The following NCOA2 variants were observed in gnomAD, a reference collection of about 807,000 sequenced individuals.
The protein encoded by NCOA2 is class E basic helix-loop-helix protein 75.
NCOA2 carries 21 observed loss-of-function variants against 145.1 expected under a neutral mutation model. That is an observed-to-expected ratio of 0.14 (90% CI 0.10 to 0.21). The LOEUF (loss-of-function observed/expected upper bound fraction) is 0.21, where lower values mean the gene tolerates loss of function less well. Among genes scored for constraint, NCOA2 ranks in the 10% least tolerant of loss-of-function variants. The pLI is 1.00. For synonymous variants in NCOA2, 619 were observed against 637.5 expected (o/e 0.97, Z 0.44); for missense variants, 1,472 against 1,837.6 (o/e 0.80, Z 3.64).
intron 1 of NCOA2, among the ~76,000 whole-genome samples, chr8:70,371,544 C>T (rs937218985): frequency 3.9e-5 from 6 of 152,096 alleles, no homozygotes; most frequent in African/African-American, 1.4e-4. Flanking sequence ...CAAGCAATTT[C>T]ACTTACAAAG....
chr8:70,370,547 T>A (rs575344409), intron 1 of NCOA2, among the ~76,000 whole-genome samples: 2 of 152,310 alleles, frequency 1.3e-5, no homozygotes, highest in Admixed American at 1.3e-4. Context: ...TAACTATGAC[T>A]GTGTCTCAGC....
At chr8:70,174,967 T>C in intron 4 of NCOA2, 108 bp from the exon 5 acceptor site, 2 of 982,898 alleles carry the variant, frequency 2.0e-6, no homozygotes, top group Non-Finnish European at 3.2e-6. Flanking sequence ...TGGGATCAGA[T>C]GCAGCTACAA....
At chr8:70,185,374 T>A (rs914834887) in intron 4 of NCOA2, among the ~76,000 whole-genome samples, 1 of 152,180 alleles carries the variant, frequency 6.6e-6, no homozygotes, top group Admixed American at 6.5e-5. Flanking sequence ...TTATGCTAAA[T>A]CATATCATTG....
chr8:70,334,341 C>T (rs894221388), intron 1 of NCOA2, among the ~76,000 whole-genome samples: 6 of 152,188 alleles, frequency 3.9e-5, no homozygotes, highest in Non-Finnish European at 8.8e-5. Flanking sequence ...TGTCTTCCCA[C>T]ACTTTAAGCC....
chr8:70,261,935 G>A (rs1824171097), intron 2 of NCOA2, among the ~76,000 whole-genome samples: 1 of 152,056 alleles, frequency 6.6e-6, no homozygotes, highest in African/African-American at 2.4e-5. Flanking sequence ...AGTGGATACA[G>A]CAAACAGCGA....
intron 2 of NCOA2, among the ~76,000 whole-genome samples, chr8:70,223,833 G>A (rs1306851256): frequency 1.3e-5 from 2 of 152,150 alleles, no homozygotes; most frequent in Non-Finnish European, 2.9e-5. Flanking sequence ...TGTAATGTGG[G>A]CATTAAAGGG....
At chr8:70,445,216 C>T in the NCOA2 span, among the ~76,000 whole-genome samples, 1 of 152,114 alleles carries the variant, frequency 6.6e-6, no homozygotes, top group African/African-American at 2.4e-5. Context: ...TCAAAACCTG[C>T]CTTATTTTTA....
chr8:70,430,472 T>C, the NCOA2 span, among the ~76,000 whole-genome samples: 21 of 152,302 alleles, frequency 1.4e-4, no homozygotes, highest in South Asian at 4.1e-3. Context: ...GACATATGTA[T>C]ATATCCTTGA....
At chr8:70,177,832 C>G (rs564399096) in intron 4 of NCOA2, among the ~76,000 whole-genome samples, 1 of 152,276 alleles carries the variant, frequency 6.6e-6, no homozygotes, top group East Asian at 1.9e-4. Context: ...TCGCTGATCA[C>G]TAGAAAACAT....
rs978416691 is a variant in NCOA2 at position 70,113,627 on chromosome 8, C to T, written c.*5G>A. The T allele has an allele frequency of 9.0e-6, 14 of 1,551,852 alleles. No individual in the cohort carries two copies. Among genetic ancestry groups the T allele is most frequent in the Non-Finnish European group, 1.2e-5 (14 of 1,147,124 alleles). On this transcript the variant is annotated 3_prime_UTR_variant, in exon 23 of 23. Transcript: ENST00000452400. ...CAGCTGAAGAAGCAACTGGCTTCAG[C>T]AGTGTCAGCAATATTTCTGTAGGAA...
At position 70,201,178 on chromosome 8, in the gene NCOA2, C is replaced by G. The variant is rs182694960; in HGVS notation, c.259+12725G>C. ...AAAAGGTCAAATTAAAATCAATTCT[C>G]AGGTTAAAGGATAATTGGTATTTAG... is the stretch of plus-strand genomic sequence containing the variant. On this transcript the variant is annotated intron_variant, in intron 4 of 22. Coordinates refer to ENST00000452400, the MANE Select transcript of NCOA2 (RefSeq NM_006540.4). Among the ~76,000 whole-genome samples, 271 of 151,740 alleles carry G rather than the reference C, an allele frequency of 1.8e-3. 1 individual carries two copies. Among genetic ancestry groups the G allele is most frequent in the African/African-American group, 6.4e-3 (263 of 41,328 alleles).
At chr8:70,334,751 C>A (rs1807416323) in intron 1 of NCOA2, among the ~76,000 whole-genome samples, 1 of 152,100 alleles carries the variant, frequency 6.6e-6, no homozygotes, top group Non-Finnish European at 1.5e-5. Context: ...AATGACCAAA[C>A]TTCAATTATC....
At chr8:70,406,318 A>T (rs766657466), upstream of NCOA2, among the ~76,000 whole-genome samples, 1 of 152,224 alleles carries the variant, frequency 6.6e-6, no homozygotes. Flanking sequence ...TTTGATTCCC[A>T]TGAGACCTCA....
chr8:70,369,428 C>T (rs1811013338), intron 1 of NCOA2, among the ~76,000 whole-genome samples: 2 of 152,130 alleles, frequency 1.3e-5, no homozygotes, highest in East Asian at 1.9e-4. Flanking sequence ...TATAAAAACT[C>T]ACTTATAATG....
intron 2 of NCOA2, among the ~76,000 whole-genome samples, chr8:70,283,824 G>A (rs866728966): frequency 2.6e-5 from 4 of 152,050 alleles, no homozygotes; most frequent in African/African-American, 4.8e-5. Context: ...AATCCTGTAC[G>A]TTCCAGTGAG....
chr8:70,253,633 C>G (rs746620050), intron 2 of NCOA2, among the ~76,000 whole-genome samples: 1 of 151,964 alleles, frequency 6.6e-6, no homozygotes, highest in African/African-American at 2.4e-5. Context: ...GACAAGGGCA[C>G]CAAGACCATT....
chr8:70,356,241 G>C (rs549217856), intron 1 of NCOA2, among the ~76,000 whole-genome samples: 1 of 152,304 alleles, frequency 6.6e-6, no homozygotes, highest in South Asian at 2.1e-4. Context: ...CATATGGCCT[G>C]AGTCCAGGAG....
chr8:70,373,943 G>C (rs1182452279), intron 1 of NCOA2, among the ~76,000 whole-genome samples: 1 of 152,108 alleles, frequency 6.6e-6, no homozygotes, highest in African/African-American at 2.4e-5. Flanking sequence ...GAGTGTAAAA[G>C]TTCCAACCTT....
At chr8:70,146,268 T>C (rs1811053657) in intron 12 of NCOA2, among the ~76,000 whole-genome samples, 1 of 152,210 alleles carries the variant, frequency 6.6e-6, no homozygotes, top group African/African-American at 2.4e-5. Flanking sequence ...TAGACATATT[T>C]GGATTTGATA....
Sources: gnomAD v4.1 joint callset for allele counts (sites outside exome capture counted in the v4.1 genomes callset) on GRCh38, gnomAD v4.1.1 for gene constraint, MANE v1.5 for transcripts, NCBI Gene and HGNC (gene_info 2026-07-23, HGNC 2026-07-21) for gene names.